The following GLRB variants were observed in gnomAD, a reference collection of about 807,000 sequenced individuals.
GLRB encodes the protein glycine receptor subunit beta.
Under a neutral mutation model 54.2 loss-of-function variants are expected in GLRB, and 33 were observed. That is an observed-to-expected ratio of 0.61 (90% confidence interval 0.46 to 0.81). The LOEUF (loss-of-function observed/expected upper bound fraction) is 0.81, where lower values mean the gene tolerates loss of function less well. Ranked by LOEUF, GLRB falls within the 40% of genes least tolerant of loss-of-function variation. GLRB has a pLI of 0.00. For synonymous variants in GLRB, 209 were observed against 208.2 expected, an observed-to-expected ratio of 1.00 and a Z score of -0.03; for missense variants, 572 against 584.6, an observed-to-expected ratio of 0.98 and a Z score of 0.22.
intron 9 of GLRB, among the ~76,000 whole-genome samples, chr4:157,158,227 A>G (rs897309614): frequency 1.5e-4 from 23 of 151,972 alleles, no homozygotes; most frequent in African/African-American, 5.3e-4. Context: ...GATCCCGGAT[A>G]TTAGCCCTTT....
intron 2 of GLRB, among the ~76,000 whole-genome samples, chr4:157,084,998 A>G (rs1188899048): frequency 6.6e-6 from 1 of 152,188 alleles, no homozygotes; most frequent in East Asian, 1.9e-4. Context: ...ACTGTTACAT[A>G]TCTAGATTGA....
intron 2 of GLRB, among the ~76,000 whole-genome samples, chr4:157,081,723 T>C (rs570810378): frequency 1.3e-5 from 2 of 152,320 alleles, no homozygotes; most frequent in South Asian, 4.1e-4. Context: ...TGACTCCTTT[T>C]CAGTTTTCCT....
chr4:157,117,670 C>T (rs962423345), intron 2 of GLRB, among the ~76,000 whole-genome samples: 3 of 151,586 alleles, frequency 2.0e-5, no homozygotes, highest in African/African-American at 7.3e-5. Flanking sequence ...CTGGAAATAA[C>T]GAGTGGAACT....
At chr4:157,081,080 A>G (rs1453927850) in intron 2 of GLRB, among the ~76,000 whole-genome samples, 6 of 152,168 alleles carry the variant, frequency 3.9e-5, no homozygotes, top group Non-Finnish European at 1.5e-5. Context: ...TATGTAAGTG[A>G]AGCACTAGTA....
chr4:157,147,356 A>G (rs563027155), intron 8 of GLRB, among the ~76,000 whole-genome samples: 1 of 152,274 alleles, frequency 6.6e-6, no homozygotes, highest in African/African-American at 2.4e-5. Context: ...TTTTAGAGCT[A>G]AAGATTACCA....
chr4:157,111,320 T>A (rs530446421), intron 2 of GLRB, among the ~76,000 whole-genome samples: 1 of 152,142 alleles, frequency 6.6e-6, no homozygotes, highest in South Asian at 2.1e-4. Flanking sequence ...CTTTTTTCTC[T>A]GTAGTCCTCA....
intron 2 of GLRB, among the ~76,000 whole-genome samples, chr4:157,082,653 A>T (rs754605404): frequency 2.6e-5 from 4 of 152,108 alleles, no homozygotes; most frequent in East Asian, 1.9e-4. Flanking sequence ...TTCACCCTGG[A>T]TTATGTTACC....
At chr4:157,116,991 A>T (rs1177233718) in intron 2 of GLRB, among the ~76,000 whole-genome samples, 3 of 151,678 alleles carry the variant, frequency 2.0e-5, no homozygotes, top group African/African-American at 7.3e-5. Flanking sequence ...TTTGATTTTC[A>T]AAAGATTTTT....
chr4:157,169,005 A>G (rs1030085823), intron 9 of GLRB, among the ~76,000 whole-genome samples: 1 of 152,088 alleles, frequency 6.6e-6, no homozygotes, highest in African/African-American at 2.4e-5. Flanking sequence ...ATATATAAAT[A>G]TATGTGTATT....
chr4:157,083,651 A>G (rs1184101352), intron 2 of GLRB, among the ~76,000 whole-genome samples: 1 of 152,200 alleles, frequency 6.6e-6, no homozygotes, highest in African/African-American at 2.4e-5. Flanking sequence ...AGTAACCCAC[A>G]GAGAATTATG....
At chr4:157,169,918 T>A (rs1312403477) in intron 9 of GLRB, among the ~76,000 whole-genome samples, 1 of 152,106 alleles carries the variant, frequency 6.6e-6, no homozygotes, top group Non-Finnish European at 1.5e-5. Flanking sequence ...CATTTTTTAG[T>A]CCTTGTTTGT....
intron 7 of GLRB, among the ~76,000 whole-genome samples, chr4:157,140,292 C>G (rs1326659040): frequency 6.6e-6 from 1 of 151,842 alleles, no homozygotes; most frequent in East Asian, 1.9e-4. Context: ...CTGAGCCACT[C>G]CTTTATTTAA....
intron 2 of GLRB, among the ~76,000 whole-genome samples, chr4:157,119,490 A>G (rs906430660): frequency 6.6e-6 from 1 of 151,624 alleles, no homozygotes; most frequent in African/African-American, 2.4e-5. Context: ...CTAGATTTCA[A>G]TGGCAGGTTG....
intron 9 of GLRB, among the ~76,000 whole-genome samples, chr4:157,155,786 T>A: frequency 6.6e-6 from 1 of 152,160 alleles, no homozygotes; most frequent in Non-Finnish European, 1.5e-5. Flanking sequence ...TTTGAGTTGA[T>A]CTTGTTTGGG....
At chr4:157,131,428 C>A (rs186786888) in intron 4 of GLRB, among the ~76,000 whole-genome samples, 1 of 151,644 alleles carries the variant, frequency 6.6e-6, no homozygotes, top group Non-Finnish European at 1.5e-5. Context: ...CATAATTAGA[C>A]GTTATCCTCC....
In GLRB at chr4:157,138,550, T is replaced by C. The variant is rs1248129174; in HGVS notation, c.611-259T>C. Among the ~76,000 whole-genome samples, 6 of 152,336 alleles carry C rather than the reference T, an allele frequency of 3.9e-5. No homozygotes were observed. In the South Asian group the frequency reaches 1.0e-3, roughly 26 times the overall value. On this transcript the variant is annotated intron_variant, in intron 6 of 9. Coordinates refer to ENST00000264428, the MANE Select transcript of GLRB (RefSeq NM_000824.5). Reference sequence around the variant, plus strand: ...ACATAGAGAAATAAGTTATTGTATATGATGCCCTAGGATTTTAAATCTGTG... The same window carrying C: ...ACATAGAGAAATAAGTTATTGTATACGATGCCCTAGGATTTTAAATCTGTG...
intron 2 of GLRB, among the ~76,000 whole-genome samples, chr4:157,100,277 C>T (rs1734970976): frequency 1.3e-5 from 2 of 152,104 alleles, no homozygotes; most frequent in African/African-American, 4.8e-5. Context: ...TCCATTTCAA[C>T]TTGCTTTTCT....
At chr4:157,147,741 A>T (rs1736865310) in intron 8 of GLRB, among the ~76,000 whole-genome samples, 1 of 152,156 alleles carries the variant, frequency 6.6e-6, no homozygotes. Flanking sequence ...GCCCTTTGCT[A>T]GGAGCAAAAT....
intron 4 of GLRB, 70 bp downstream of exon 4, chr4:157,122,467 A>G: frequency 3.2e-6 from 2 of 633,868 alleles, no homozygotes; most frequent in Non-Finnish European, 5.8e-6. Flanking sequence ...TAACATTAAA[A>G]TTGAACAATA....
Sources: allele counts gnomAD v4.1 joint callset (sites outside exome capture counted in the v4.1 genomes callset), GRCh38; gene constraint gnomAD v4.1.1; transcripts MANE v1.5; gene names NCBI Gene and HGNC (gene_info 2026-07-23, HGNC 2026-07-21).